The following RIPK1 variants were observed in gnomAD, a reference collection of about 807,000 sequenced individuals.
The protein encoded by RIPK1 is receptor interacting serine/threonine kinase 1.
In RIPK1, 27 loss-of-function variants were observed where a neutral mutation model predicts 62.4. The observed-to-expected ratio is 0.43, with a 90% CI of 0.32 to 0.60. The LOEUF (loss-of-function observed/expected upper bound fraction) is 0.60, where lower values mean the gene tolerates loss of function less well. Ranked by LOEUF, RIPK1 falls within the 20% of genes least tolerant of loss-of-function variation. RIPK1 has a pLI of 0.07. For missense variants in RIPK1, 735 were observed against 831.0 expected, an observed-to-expected ratio of 0.88 and a Z score of 1.42; for synonymous variants, 287 against 303.2, an observed-to-expected ratio of 0.95 and a Z score of 0.55.
intron 7 of RIPK1, among the ~76,000 whole-genome samples, chr6:3,094,015 GCGCGCCT>G (rs1160161933): frequency 3.7e-5 from 5 of 135,154 alleles, no homozygotes; most frequent in African/African-American, 1.5e-4. Context: ...AGTAACTGCA[GCGCGCCT>G]ACCTGCCGCA....
intron 2 of RIPK1, 148 bp downstream of exon 2, chr6:3,077,135 TG>T (rs1759111868): frequency 1.5e-6 from 1 of 670,488 alleles, no homozygotes; most frequent in African/African-American, 1.8e-5. Flanking sequence ...CTCTTCGGAT[TG>T]TTATTGTCGC....
At chr6:3,076,725 T>TAG (rs1248582429) in intron 1 of RIPK1, 39 bp from the exon 2 acceptor site, 37 of 638,620 alleles carry the variant, frequency 5.8e-5, no homozygotes, top group African/African-American at 1.5e-4. Context: ...TATATATATA[T>TAG]AGTCTTGCCC....
Position 3,113,637 on chromosome 6 carries a change from T to C in RIPK1, c.*298T>C, listed in dbSNP as rs1456264825. On this transcript the variant is annotated 3_prime_UTR_variant, in exon 11 of 11. Coordinates refer to ENST00000259808, the MANE Select transcript of RIPK1 (RefSeq NM_001354930.2). The surrounding 1 kb of genome is among the most constrained non-coding windows in gnomAD (Gnocchi z 5.0). The stretch of plus-strand genomic sequence containing the variant: ...ACTGCGCCCAGCCAACAATCCGCTC[T>C]GAGGAAAGCGTAAGCAGGAAGACCT... 2 of 323,506 alleles carry C rather than the reference T, an allele frequency of 6.2e-6. No individual in the cohort carries two copies. Among genetic ancestry groups the C allele is most frequent in the Non-Finnish European group, 1.2e-5 (2 of 173,418 alleles). 20.0% of individuals were successfully genotyped at this position (323,506 alleles called of 1,614,324 possible).
At position 3,072,918 on chromosome 6, in the gene RIPK1, C is replaced by T. The variant is rs1277620965; in HGVS notation, c.-60-3846C>T. 3.9e-5 allele frequency among the ~76,000 whole-genome samples: 6 copies of T among 152,172 alleles called. No individual in the cohort carries two copies. Among genetic ancestry groups the T allele is most frequent in the Non-Finnish European group, 5.9e-5 (4 of 68,020 alleles). ...CTTTTATGCCCTCTGTCTCCACCCGCTCCTACCTCATTCTCACTAGGATTG... is the reference window on the plus strand; with the variant it reads ...CTTTTATGCCCTCTGTCTCCACCCGTTCCTACCTCATTCTCACTAGGATTG... On this transcript the variant is annotated intron_variant, in intron 1 of 10. Transcript: ENST00000259808. This position sits in a 1 kb window ranked among gnomAD's most constrained non-coding sequence, Gnocchi z 5.6.
chr6:3,063,988 C>G (rs1041323863), upstream of RIPK1: 1 of 152,606 alleles, frequency 6.6e-6, no homozygotes, highest in African/African-American at 2.4e-5. Context: ...GCGAGCGCAG[C>G]AGCAGGGCCC....
chr6:3,079,119 G>A lies in RIPK1; in HGVS notation c.321+1184G>A, dbSNP rs17513060. Among the ~76,000 whole-genome samples, 519 of 151,704 alleles carry A rather than the reference G, an allele frequency of 3.4e-3. 3 individuals are homozygous for A. The Middle Eastern group carries it at 0.051, about 15-fold the overall frequency. ...TTTTTTAGAGGAGTCTCGCTCTGTCGCCCAGGCTGGAGTGCAATGGTGCAA... is the reference window on the plus strand; with the variant it reads ...TTTTTTAGAGGAGTCTCGCTCTGTCACCCAGGCTGGAGTGCAATGGTGCAA... On this transcript the variant is annotated intron_variant, in intron 3 of 10. Transcript: ENST00000259808.
chr6:3,066,731 C>A (rs148255422), upstream of RIPK1, among the ~76,000 whole-genome samples: 8 of 152,210 alleles, frequency 5.3e-5, no homozygotes, highest in Non-Finnish European at 1.2e-4. Flanking sequence ...AAAAATGAAC[C>A]AATATGGATA....
chr6:3,112,012 T>G (rs538018742), intron 10 of RIPK1, among the ~76,000 whole-genome samples: 12 of 152,236 alleles, frequency 7.9e-5, no homozygotes, highest in African/African-American at 2.6e-4. Context: ...GATTAAGGAA[T>G]TTTTTTTGTT....
chr6:3,108,656 T>C (rs1339228108), intron 9 of RIPK1, among the ~76,000 whole-genome samples: 1 of 152,162 alleles, frequency 6.6e-6, no homozygotes, highest in African/African-American at 2.4e-5. Context: ...TTATTAGCAC[T>C]GTTATTATCA....
intron 8 of RIPK1, among the ~76,000 whole-genome samples, chr6:3,104,517 TAG>T (rs1224760213): frequency 6.6e-6 from 1 of 152,062 alleles, no homozygotes; most frequent in African/African-American, 2.4e-5. Context: ...TCACCAGTCA[TAG>T]AGTGTTCTGA....
At chr6:3,067,051 A>ATTTTTTTTTTTT (rs36132424), upstream of RIPK1, among the ~76,000 whole-genome samples, 50 of 59,042 alleles carry the variant, frequency 8.5e-4, 1 homozygote, top group African/African-American at 2.5e-3. Context: ...TTGCTCCAGG[A>ATTTTTTTTTTTT]TTTTTTTTTT....
intron 7 of RIPK1, among the ~76,000 whole-genome samples, chr6:3,090,823 C>CGCCTACCTGCCGCACCTAGTAACCGCAGA (rs1760029237): frequency 1.6e-5 from 1 of 61,972 alleles, no homozygotes; most frequent in Admixed American, 1.6e-4. Context: ...GTAACCGCAG[C>CGCCTACCTGCCGCACCTAGTAACCGCAGA]GCACCTACCT....
Position 3,113,136 on chromosome 6 carries a change from C to T in RIPK1, c.1813C>T (p.Leu605=). The change falls in exon 11 of 11, where the codon CTG becomes TTG. Residue 605 remains leucine (L), a synonymous_variant. Transcript: ENST00000259808. This position sits in a 1 kb window ranked among gnomAD's most constrained non-coding sequence, Gnocchi z 5.0. The stretch of plus-strand genomic sequence containing the variant: ...GCACTGGAAAAACTGTGCCCGTAAA[C>T]TGGGCTTCACACAGTCTCAGATTGA... ...GKHWKNCARK[L]GFTQSQIDEI... is the part of the protein sequence containing the mutation. 2.5e-6 allele frequency: 4 copies of T among 1,611,074 alleles called. No homozygotes were observed. Among genetic ancestry groups the T allele is most frequent in the Non-Finnish European group, 3.4e-6 (4 of 1,177,582 alleles).
At chr6:3,077,115 G>T in intron 2 of RIPK1, 128 bp downstream of exon 2, 1 of 793,830 alleles carries the variant, frequency 1.3e-6, no homozygotes, top group East Asian at 2.7e-5. Context: ...AGATGTCAGG[G>T]TGACGATGGC....
chr6:3,079,708 A>G (rs756008383), intron 3 of RIPK1, among the ~76,000 whole-genome samples: 1 of 152,246 alleles, frequency 6.6e-6, no homozygotes, highest in Non-Finnish European at 1.5e-5. Context: ...TCTCACAAAA[A>G]TACCCTTGGG....
chr6:3,109,116 G>T (rs1761023385), intron 9 of RIPK1, among the ~76,000 whole-genome samples: 1 of 152,192 alleles, frequency 6.6e-6, no homozygotes, highest in African/African-American at 2.4e-5. Context: ...GCCCAGGCTA[G>T]CGAGTGTAAG....
At chr6:3,073,957 G>A (rs1199764437) in intron 1 of RIPK1, among the ~76,000 whole-genome samples, 2 of 152,164 alleles carry the variant, frequency 1.3e-5, no homozygotes, top group Admixed American at 6.5e-5. Flanking sequence ...GTCCGTCATT[G>A]TCTGACTTTT....
At chr6:3,107,706 C>T (rs1760934330) in intron 9 of RIPK1, among the ~76,000 whole-genome samples, 1 of 152,106 alleles carries the variant, frequency 6.6e-6, no homozygotes, top group African/African-American at 2.4e-5. Flanking sequence ...GAAGGCAGAC[C>T]CTAAACCAAT....
At chr6:3,095,699 A>G (rs1760254238) in intron 7 of RIPK1, among the ~76,000 whole-genome samples, 1 of 152,256 alleles carries the variant, frequency 6.6e-6, no homozygotes, top group African/African-American at 2.4e-5. Context: ...TATCTTTTCA[A>G]TAGATGCAGA....
Sources: gnomAD v4.1 joint callset for allele counts (sites outside exome capture counted in the v4.1 genomes callset) on GRCh38, gnomAD v4.1.1 for gene constraint, Gnocchi (gnomAD v3.1) non-coding constraint, MANE v1.5 for transcripts, NCBI Gene and HGNC (gene_info 2026-07-23, HGNC 2026-07-21) for gene names.